ASB3: variants seen among roughly 807,000 people sequenced by gnomAD.
ASB3 encodes the protein ankyrin repeat and SOCS box containing 3, also known as ankyrin repeat and SOCS box protein 3.
A neutral mutation model predicts 54.5 loss-of-function variants in ASB3; 41 were observed. The ratio of observed to expected loss-of-function variants is 0.75; its 90% confidence interval spans 0.59 to 0.98. The LOEUF (loss-of-function observed/expected upper bound fraction) is 0.98. Ranked by LOEUF, ASB3 falls within the 50% of genes least tolerant of loss-of-function variation. The pLI is 0.00. For synonymous variants in ASB3, 266 were observed against 221.2 expected (o/e 1.20, Z -1.80); for missense variants, 733 against 620.0 (o/e 1.18, Z -1.94).
intron 8 of ASB3, among the ~76,000 whole-genome samples, chr2:53,695,627 G>A (rs1322328574): frequency 1.8e-4 from 27 of 151,332 alleles, no homozygotes; most frequent in Admixed American, 1.6e-3. Context: ...TTAATATAAC[G>A]GTGAGTTTAT....
At chr2:53,734,472 CTCAT>C (rs995701048) in intron 3 of ASB3, among the ~76,000 whole-genome samples, 2 of 152,192 alleles carry the variant, frequency 1.3e-5, no homozygotes, top group African/African-American at 4.8e-5. Flanking sequence ...CCACAAATCA[CTCAT>C]TCATTCATTC....
At chr2:53,708,619 C>G (rs563310906) in intron 7 of ASB3, among the ~76,000 whole-genome samples, 1 of 152,270 alleles carries the variant, frequency 6.6e-6, no homozygotes, top group East Asian at 1.9e-4. Context: ...TCCCTGAAGA[C>G]TGGTTAAATG....
intron 7 of ASB3, among the ~76,000 whole-genome samples, chr2:53,706,890 T>C (rs1333717931): frequency 6.6e-6 from 1 of 152,240 alleles, no homozygotes; most frequent in Non-Finnish European, 1.5e-5. Context: ...ATATCCAACC[T>C]CTTTTGCTCA....
intron 2 of ASB3, among the ~76,000 whole-genome samples, chr2:53,765,027 T>C (rs1391350378): frequency 6.6e-6 from 1 of 152,172 alleles, no homozygotes; most frequent in Non-Finnish European, 1.5e-5. Flanking sequence ...ACATCCTCAA[T>C]TTCAGTACAA....
chr2:53,738,599 T>C lies in ASB3; in HGVS notation c.356-9029A>G, dbSNP rs139264024. On this transcript the variant is annotated intron_variant, in intron 3 of 9. Coordinates refer to ENST00000263634, the MANE Select transcript of ASB3 (RefSeq NM_016115.5). ...GGTAGGACTGGTCTAGAGATTAGAATTGAATTGAATTGAAATTTAACCTAG... is the reference window on the plus strand; with the variant it reads ...GGTAGGACTGGTCTAGAGATTAGAACTGAATTGAATTGAAATTTAACCTAG... Among the ~76,000 whole-genome samples the C allele has an allele frequency of 5.0e-3, 765 of 152,278 alleles. 3 individuals carry two copies. Among genetic ancestry groups the C allele is most frequent in the Non-Finnish European group, 8.9e-3 (604 of 68,014 alleles).
At chr2:53,725,997 T>C (rs578177579) in intron 5 of ASB3, among the ~76,000 whole-genome samples, 235 of 152,228 alleles carry the variant, frequency 1.5e-3, no homozygotes, top group African/African-American at 5.4e-3. Flanking sequence ...AAGGAACCAA[T>C]TTCTTTAAAG....
chr2:53,732,432 C>T (rs10191950), intron 3 of ASB3, among the ~76,000 whole-genome samples: 29,993 of 152,064 alleles, frequency 0.2, 3,633 homozygotes, highest in African/African-American at 0.35. Flanking sequence ...TTATCAGTGA[C>T]TGTTAGCAAA....
At chr2:53,705,479 T>C (rs1669719732) in intron 7 of ASB3, among the ~76,000 whole-genome samples, 2 of 152,222 alleles carry the variant, frequency 1.3e-5, no homozygotes, top group Non-Finnish European at 2.9e-5. Context: ...ACTTTTCTTT[T>C]TCTTCTTTGA....
chr2:53,771,473 A>C (rs1673905519), intron 1 of ASB3, among the ~76,000 whole-genome samples: 1 of 152,196 alleles, frequency 6.6e-6, no homozygotes, highest in African/African-American at 2.4e-5. Flanking sequence ...AGATCGCACC[A>C]CTGCACTCCA....
At chr2:53,699,059 GT>G (rs1669340011) in intron 8 of ASB3, among the ~76,000 whole-genome samples, 1 of 152,194 alleles carries the variant, frequency 6.6e-6, no homozygotes, top group Non-Finnish European at 1.5e-5. Context: ...ATTTCTTACA[GT>G]TCTGGAGACT....
chr2:53,754,369 C>T (rs1002068876), intron 2 of ASB3, among the ~76,000 whole-genome samples: 43 of 152,146 alleles, frequency 2.8e-4, no homozygotes, highest in African/African-American at 9.6e-4. Context: ...GCAAGCCACC[C>T]TTAGTGACTT....
In ASB3 at chr2:53,739,637, T is replaced by A. The variant is rs1299420882; in HGVS notation, c.356-10067A>T. ...CAAATGAAAATTACAGTGAGTTTTA[T>A]CTCTATTAGCTAGAAAATATACTGT... On this transcript the variant is annotated intron_variant, in intron 3 of 9. Transcript: ENST00000263634. Among the ~76,000 whole-genome samples the A allele has an allele frequency of 2.0e-5, 3 of 152,194 alleles. No homozygotes were observed. In the East Asian group the frequency reaches 5.8e-4, roughly 29 times the overall value.
chr2:53,756,372 A>C (rs930813304), intron 2 of ASB3, among the ~76,000 whole-genome samples: 5 of 152,126 alleles, frequency 3.3e-5, no homozygotes, highest in African/African-American at 1.2e-4. Flanking sequence ...TTCACTCAGT[A>C]CTGAAAGAAT....
At chr2:53,730,110 G>A (rs142183708) in intron 3 of ASB3, among the ~76,000 whole-genome samples, 20 of 152,014 alleles carry the variant, frequency 1.3e-4, no homozygotes, top group African/African-American at 3.1e-4. Flanking sequence ...AACTAAAAGC[G>A]GATTCCAGAA....
At chr2:53,693,600 T>C (rs1329420287) in intron 9 of ASB3, among the ~76,000 whole-genome samples, 1 of 152,156 alleles carries the variant, frequency 6.6e-6, no homozygotes. Context: ...TTTGTGTATA[T>C]AATCCTTATT....
intron 1 of ASB3, chr2:53,786,347 G>C (rs1674998564): frequency 6.6e-6 from 1 of 152,136 alleles, no homozygotes; most frequent in African/African-American, 2.4e-5. Context: ...AAAAATGTAG[G>C]GTTGTGATGT....
intron 2 of ASB3, among the ~76,000 whole-genome samples, 188 bp downstream of exon 2, chr2:53,765,189 C>A (rs1024773814): frequency 9.9e-5 from 15 of 152,166 alleles, no homozygotes; most frequent in African/African-American, 3.6e-4. Context: ...AGATGTCCAA[C>A]TAGAGTATCA....
In ASB3 at chr2:53,728,745, TGCCATACTGAGCAGCC is replaced by T. The variant is rs755383857; in HGVS notation, c.555_570del (p.Ala186SerfsTer2). 1 of 1,610,608 alleles carries T rather than the reference TGCCATACTGAGCAGCC, an allele frequency of 6.2e-7. No homozygotes were observed. The highest frequency in any genetic ancestry group is 8.5e-7 in the Non-Finnish European group (1 of 1,178,222). Reference sequence around the variant, plus strand: ...ATAAGTATGCTCAAGCTTTCTAGCTTGCCATACTGAGCAGCCACAAATAAAGGTGTGATTCCAAAGT... The same window carrying T: ...ATAAGTATGCTCAAGCTTTCTAGCTTACAAATAAAGGTGTGATTCCAAAGT... On this transcript the variant is annotated frameshift_variant, in exon 5 of 10. Coordinates refer to ENST00000263634, the MANE Select transcript of ASB3 (RefSeq NM_016115.5). LOFTEE classifies it high-confidence loss of function.
At chr2:53,785,680 T>C (rs907065777) in intron 1 of ASB3, among the ~76,000 whole-genome samples, 4 of 151,890 alleles carry the variant, frequency 2.6e-5, no homozygotes, top group Non-Finnish European at 5.9e-5. Flanking sequence ...CTGCCTCTAC[T>C]AAAAATACAA....
Sources: allele counts gnomAD v4.1 joint callset (sites outside exome capture counted in the v4.1 genomes callset), GRCh38; gene constraint gnomAD v4.1.1; transcripts MANE v1.5; gene names NCBI Gene and HGNC (gene_info 2026-07-23, HGNC 2026-07-21).